Variants in THSD4 observed in about 807,000 individuals in gnomAD.
THSD4 encodes the protein thrombospondin type 1 domain containing 4.
THSD4 carries 69 observed loss-of-function variants against 119.0 expected under a neutral mutation model. That is an observed-to-expected ratio of 0.58 (90% CI 0.48 to 0.71). THSD4 has a LOEUF of 0.71. THSD4 is among the 30% of genes least tolerant of loss of function. The pLI, the probability that THSD4 is intolerant of heterozygous loss-of-function variation, is 0.00. For synonymous variants in THSD4, 524 were observed against 540.4 expected (o/e 0.97, Z 0.42); for missense variants, 1,393 against 1,391.1 (o/e 1.00, Z -0.02).
At chr15:71,459,364 G>GTCTCTCTGTCTCTCTCTC (rs2047389960) in intron 7 of THSD4, among the ~76,000 whole-genome samples, 1 of 91,504 alleles carries the variant, frequency 1.1e-5, no homozygotes, top group African/African-American at 3.4e-5. Flanking sequence ...CTCTCTCTCT[G>GTCTCTCTGTCTCTCTCTC]TCTCTCTGTC....
chr15:71,273,759 G>A (rs1035167491), intron 6 of THSD4, among the ~76,000 whole-genome samples: 4 of 152,184 alleles, frequency 2.6e-5, no homozygotes, highest in African/African-American at 7.2e-5. Context: ...CAGAATCCGA[G>A]GAAGCAAGCC....
At chr15:71,327,541 A>G (rs1327332821) in intron 6 of THSD4, among the ~76,000 whole-genome samples, 1 of 152,152 alleles carries the variant, frequency 6.6e-6, no homozygotes, top group Non-Finnish European at 1.5e-5. Flanking sequence ...TGTCTTCCTA[A>G]TAAGTTAAAG....
At chr15:71,668,076 G>A (rs1377032170) in intron 8 of THSD4, among the ~76,000 whole-genome samples, 6 of 151,966 alleles carry the variant, frequency 3.9e-5, no homozygotes, top group African/African-American at 1.5e-4. Flanking sequence ...TACAGTGGAT[G>A]TACCATTATT....
intron 6 of THSD4, among the ~76,000 whole-genome samples, chr15:71,370,367 T>C (rs1216948544): frequency 6.6e-6 from 1 of 152,198 alleles, no homozygotes; most frequent in East Asian, 1.9e-4. Context: ...CTTTTAATTG[T>C]GATGTTAGGG....
intron 3 of THSD4, among the ~76,000 whole-genome samples, chr15:71,178,153 G>C (rs1217556064): frequency 5.2e-5 from 2 of 38,320 alleles, no homozygotes; most frequent in East Asian, 1.4e-3. Flanking sequence ...AATCAGGCAG[G>C]AGAAGGAAAT....
chr15:71,435,002 A>C lies in THSD4; in HGVS notation c.1152+23179A>C, dbSNP rs1317907226. ...TCCCAAGACCCGGAGCCACCCGCTA[A>C]GACAGTTAGAAGAAAAAAGAAACTT... On this transcript the variant is annotated intron_variant, in intron 7 of 17. Coordinates refer to ENST00000261862, the MANE Select transcript of THSD4 (RefSeq NM_024817.3). 2.0e-5 allele frequency among the ~76,000 whole-genome samples: 3 copies of C among 152,252 alleles called. No homozygotes were observed. In the East Asian group the frequency reaches 5.8e-4, roughly 29 times the overall value.
chr15:71,463,674 G>A (rs181055626), intron 7 of THSD4, among the ~76,000 whole-genome samples: 87 of 152,246 alleles, frequency 5.7e-4, no homozygotes, highest in Non-Finnish European at 1.1e-3. Flanking sequence ...GGTTCACAAA[G>A]ATCTATCTAT....
At chr15:71,097,560 T>G (rs974820197) in intron 1 of THSD4, among the ~76,000 whole-genome samples, 2 of 141,898 alleles carry the variant, frequency 1.4e-5, no homozygotes, top group African/African-American at 5.5e-5. Flanking sequence ...AGCAAGACTC[T>G]GTCTCGAAAA....
intron 7 of THSD4, among the ~76,000 whole-genome samples, chr15:71,630,094 C>G (rs1010171889): frequency 6.6e-6 from 1 of 152,188 alleles, no homozygotes; most frequent in African/African-American, 2.4e-5. Flanking sequence ...CATGTTCTTT[C>G]TTTTTTAAAA....
At chr15:71,596,032 C>T (rs1023036311) in intron 7 of THSD4, among the ~76,000 whole-genome samples, 7 of 152,196 alleles carry the variant, frequency 4.6e-5, no homozygotes, top group African/African-American at 1.7e-4. Flanking sequence ...TGCTTCTTTT[C>T]CAGCAAAAGT....
intron 7 of THSD4, among the ~76,000 whole-genome samples, chr15:71,509,550 A>G (rs938317772): frequency 6.6e-6 from 1 of 152,240 alleles, no homozygotes; most frequent in African/African-American, 2.4e-5. Context: ...CAGCAAGGGC[A>G]TTTCGACTTC....
intron 6 of THSD4, among the ~76,000 whole-genome samples, chr15:71,301,796 G>T (rs776324295): frequency 2.0e-5 from 3 of 152,182 alleles, no homozygotes; most frequent in Non-Finnish European, 2.9e-5. Flanking sequence ...CTTATATCCT[G>T]CCTGGATACC....
chr15:71,677,340 C>G (rs1160925103), intron 8 of THSD4, among the ~76,000 whole-genome samples: 1 of 152,158 alleles, frequency 6.6e-6, no homozygotes. Flanking sequence ...TTTATTTGGA[C>G]TCAGTTCTTG....
intron 7 of THSD4, among the ~76,000 whole-genome samples, chr15:71,422,958 G>A (rs971755146): frequency 5.3e-5 from 8 of 152,070 alleles, no homozygotes; most frequent in Admixed American, 2.6e-4. Flanking sequence ...GTCTGTCCCC[G>A]TGGCCACCAC....
intron 6 of THSD4, among the ~76,000 whole-genome samples, chr15:71,310,962 G>A (rs2045103077): frequency 6.6e-6 from 1 of 152,136 alleles, no homozygotes; most frequent in Admixed American, 6.5e-5. Context: ...TTATTCCCTA[G>A]CCTGTTGTAT....
At chr15:71,667,967 C>G (rs1249238221) in intron 8 of THSD4, among the ~76,000 whole-genome samples, 1 of 152,000 alleles carries the variant, frequency 6.6e-6, no homozygotes, top group African/African-American at 2.4e-5. Flanking sequence ...ATACTTTTTG[C>G]AATTTGTGTC....
chr15:71,546,647 A>G (rs1361412213), intron 7 of THSD4, among the ~76,000 whole-genome samples: 1 of 152,184 alleles, frequency 6.6e-6, no homozygotes, highest in African/African-American at 2.4e-5. Context: ...GGTTAGGCAT[A>G]GTGACCCAGG....
chr15:71,230,692 C>A lies in THSD4; in HGVS notation c.465-11957C>A, dbSNP rs550378510. On this transcript the variant is annotated intron_variant, in intron 4 of 17. Coordinates refer to ENST00000261862, the MANE Select transcript of THSD4 (RefSeq NM_024817.3). ...TCTCTCTACCATCCTATGTTACCAC[C>A]TCTGTCCCTGTTGGTCTCTTCTTCT... 5.3e-5 allele frequency among the ~76,000 whole-genome samples: 8 copies of A among 152,328 alleles called. No individual in the cohort carries two copies. In the South Asian group the frequency reaches 1.7e-3, roughly 32 times the overall value.
chr15:71,742,021 T>G (rs2053245768), intron 11 of THSD4, among the ~76,000 whole-genome samples: 1 of 152,120 alleles, frequency 6.6e-6, no homozygotes, highest in Admixed American at 6.5e-5. Flanking sequence ...GCAGAGCACA[T>G]CTAATGGTCG....
Sources: gnomAD v4.1 joint callset for allele counts (sites outside exome capture counted in the v4.1 genomes callset) on GRCh38, gnomAD v4.1.1 for gene constraint, MANE v1.5 for transcripts, NCBI Gene and HGNC (gene_info 2026-07-23, HGNC 2026-07-21) for gene names.